Variants in ASXL1 observed in about 807,000 individuals in gnomAD.
The protein encoded by ASXL1 is polycomb group protein ASXL1.
A neutral mutation model predicts 89.1 loss-of-function variants in ASXL1; 65 were observed. That is an observed-to-expected ratio of 0.73 (90% CI 0.60 to 0.90). The LOEUF is 0.90. Among genes scored for constraint, ASXL1 ranks in the 40% least tolerant of loss-of-function variants. The pLI is 0.00. For synonymous variants in ASXL1, 739 were observed against 746.9 expected, an observed-to-expected ratio of 0.99 and a Z score of 0.17; for missense variants, 1,786 against 1,942.9, an observed-to-expected ratio of 0.92 and a Z score of 1.52.
At chr20:32,415,536 A>C (rs1250577932) in intron 4 of ASXL1, among the ~76,000 whole-genome samples, 1 of 152,184 alleles carries the variant, frequency 6.6e-6, no homozygotes, top group Non-Finnish European at 1.5e-5. Flanking sequence ...AGTTTGAAAC[A>C]GTTCTCCTGT....
chr20:32,396,764 A>G (rs1293333173), intron 4 of ASXL1, among the ~76,000 whole-genome samples: 1 of 152,092 alleles, frequency 6.6e-6, no homozygotes, highest in Non-Finnish European at 1.5e-5. Context: ...GTAATATAAA[A>G]AATTTTTTTG....
chr20:32,408,904 A>T (rs539947787), intron 4 of ASXL1, among the ~76,000 whole-genome samples: 4 of 151,924 alleles, frequency 2.6e-5, no homozygotes, highest in African/African-American at 4.8e-5. Flanking sequence ...TTAGTGTTTT[A>T]TAGTTTCCAA....
rs745344384 is a variant in ASXL1 at position 32,436,902 on chromosome 20, G to A, written c.4190G>A (p.Gly1397Asp). The A allele has an allele frequency of 6.2e-7, 1 of 1,614,100 alleles. No homozygotes were observed. The highest frequency in any genetic ancestry group is 1.3e-5 in the African/African-American group (1 of 74,938). ...GGGCATAGTCCCCTGGAACTGGTGG[G>A]TCACTTGGAAGGGATGCCCTTTGTC... ...ATGHSPLELVGHLEGMPFVMD... is the reference protein window; with the variant it reads ...ATGHSPLELVDHLEGMPFVMD... The change falls in exon 13 of 13, where the codon GGT (glycine) becomes GAT (aspartate). Residue 1397 changes from glycine (G) to aspartate (D), a missense_variant. Gly to Asp is a moderately conservative substitution (Grantham distance 94, BLOSUM62 -1). This residue lies in a region of ASXL1 where 1,418 missense variants were observed against 1,427.8 expected (regional missense o/e 0.99). Transcript: ENST00000375687.
chr20:32,380,492 C>G (rs2048468773), intron 4 of ASXL1, among the ~76,000 whole-genome samples: 1 of 152,096 alleles, frequency 6.6e-6, no homozygotes, highest in Non-Finnish European at 1.5e-5. Context: ...TGTCTTACGC[C>G]TGTAATCCCA....
intron 4 of ASXL1, among the ~76,000 whole-genome samples, chr20:32,395,486 T>C (rs989939317): frequency 1.3e-5 from 2 of 152,222 alleles, no homozygotes; most frequent in African/African-American, 4.8e-5. Context: ...TTATATACTT[T>C]GTTGTAGTTT....
rs757562094 is a variant in ASXL1 at position 32,436,689 on chromosome 20, C to G, written c.3977C>G (p.Pro1326Arg). Residue 1326 changes from proline to arginine, a missense_variant, in exon 13 of 13, where the codon CCT (proline) becomes CGT (arginine). Physicochemically the swap from Pro to Arg is moderately radical, Grantham distance 103 (BLOSUM62 -2). Transcript: ENST00000375687. ...AGGCCTGCGGACCCGATGCCTCTTC[C>G]TGCTGAGATCCCTCCAGTTTTTCCC... ...RPRPADPMPL[P>R]AEIPPVFPSG... is the part of the protein sequence containing the mutation. 5 of 1,614,048 alleles carry G rather than the reference C, an allele frequency of 3.1e-6. No individual in the cohort carries two copies. The highest frequency in any genetic ancestry group is 4.2e-6 in the Non-Finnish European group (5 of 1,180,052).
intron 4 of ASXL1, among the ~76,000 whole-genome samples, chr20:32,392,997 G>T (rs2048699448): frequency 6.6e-6 from 1 of 151,978 alleles, no homozygotes; most frequent in African/African-American, 2.4e-5. Flanking sequence ...GATTGATAAT[G>T]TTCAAGTCTT....
At position 32,435,192 on chromosome 20, in the gene ASXL1, C is replaced by G; in HGVS notation, c.2480C>G (p.Thr827Ser). ...GGAGATGATACATTAGAGAAAGGAA[C>G]TGGCCAAGCTCTTGACAGTCATCCC... ...LVGDDTLEKGTGQALDSHPTM... is the reference protein window; with the variant it reads ...LVGDDTLEKGSGQALDSHPTM... The change falls in exon 13 of 13, where the codon ACT (threonine) becomes AGT (serine). Residue 827 changes from threonine (T) to serine (S), a missense_variant. By Grantham distance (58) the Thr-to-Ser change is moderately conservative. Transcript: ENST00000375687. 1 of 1,613,938 alleles carries G rather than the reference C, an allele frequency of 6.2e-7. No individual in the cohort carries two copies. Among genetic ancestry groups the G allele is most frequent in the East Asian group, 2.2e-5 (1 of 44,882 alleles).
At chr20:32,421,996 G>A (rs1380084705) in intron 4 of ASXL1, among the ~76,000 whole-genome samples, 1 of 149,690 alleles carries the variant, frequency 6.7e-6, no homozygotes, top group African/African-American at 2.5e-5. Context: ...AGCCTCCCGA[G>A]TAGCTGGGAC....
In ASXL1 at chr20:32,435,524, C is replaced by T. The variant is rs1569333471; in HGVS notation, c.2812C>T (p.Pro938Ser). 6.2e-7 allele frequency: 1 copy of T among 1,614,056 alleles called. No homozygotes were observed. Among genetic ancestry groups the T allele is most frequent in the South Asian group, 1.1e-5 (1 of 91,084 alleles). ...EEWEKAAPTP[P>S]ALPGDLTAEE... is the part of the protein sequence containing the mutation. ...GTGGGAGAAAGCTGCTCCCACCCCT[C>T]CTGCATTGCCTGGGGATTTGACAGC... Residue 938 changes from proline (P) to serine (S), a missense_variant, in exon 13 of 13, where the codon CCT becomes TCT. Physicochemically the swap from Pro to Ser is moderately conservative, Grantham distance 74 (BLOSUM62 -1). Transcript: ENST00000375687.
At chr20:32,398,482 C>T (rs182625173) in intron 4 of ASXL1, among the ~76,000 whole-genome samples, 2 of 152,116 alleles carry the variant, frequency 1.3e-5, no homozygotes, top group East Asian at 3.8e-4. Flanking sequence ...CTTTTCCCTT[C>T]ACTCGCTTCT....
Position 32,433,339 on chromosome 20 carries a change from G to T in ASXL1, c.1141G>T (p.Glu381Ter). ...LQQNVGQEEA[E>*]IKSGLCVPGE... ...GCAGAACGTGGGCCAGGAGGAGGCTGAAATCAAAAGTGGCTTGTGTGTCCC... is the reference window on the plus strand; with the variant it reads ...GCAGAACGTGGGCCAGGAGGAGGCTTAAATCAAAAGTGGCTTGTGTGTCCC... Residue 381 changes from glutamate (E) to a stop codon, truncating the protein, a stop_gained, in exon 12 of 13, where the codon GAA (glutamate) becomes TAA (stop). Transcript: ENST00000375687. LOFTEE classifies it high-confidence loss of function. 1 of 1,614,218 alleles carries T rather than the reference G, an allele frequency of 6.2e-7. No individual in the cohort carries two copies. The highest frequency in any genetic ancestry group is 8.5e-7 in the Non-Finnish European group (1 of 1,180,036).
intron 4 of ASXL1, among the ~76,000 whole-genome samples, chr20:32,391,466 A>G (rs746008650): frequency 7.2e-5 from 11 of 152,120 alleles, no homozygotes; most frequent in Admixed American, 1.3e-4. Context: ...AAGTGGCTTC[A>G]CCATCTTAAA....
chr20:32,377,738 C>T (rs1351839883), intron 4 of ASXL1, among the ~76,000 whole-genome samples: 5 of 147,190 alleles, frequency 3.4e-5, no homozygotes, highest in East Asian at 2.1e-4. Context: ...CTGCAACCTC[C>T]GCCTCCCAGG....
In ASXL1 at chr20:32,359,606, G is replaced by T. The variant is rs138347586; in HGVS notation, c.57+774G>T. 1.4e-4 allele frequency: 95 copies of T among 692,736 alleles called. No homozygotes were observed. In the African/African-American group the frequency reaches 1.5e-3, roughly 11 times the overall value. The allele number at this position is 692,736 out of a possible 1,614,324, so 42.9% of individuals were successfully genotyped here. On this transcript the variant is annotated intron_variant, in intron 1 of 12. Coordinates refer to ENST00000375687, the MANE Select transcript of ASXL1 (RefSeq NM_015338.6). ...CCTTCAGAAGCTGGACTGGAAATTG[G>T]TATTTTGAGGAGAACTGAATCCACT...
chr20:32,426,186 G>A (rs924221152), intron 4 of ASXL1, among the ~76,000 whole-genome samples: 39 of 152,044 alleles, frequency 2.6e-4, no homozygotes, highest in African/African-American at 6.5e-4. Flanking sequence ...TGTAAATCTC[G>A]TATTGGGATA....
intron 1 of ASXL1, chr20:32,360,934 A>G (rs2122769406): frequency 6.5e-6 from 1 of 152,672 alleles, no homozygotes; most frequent in East Asian, 1.9e-4. Context: ...TTTAGTAAAG[A>G]TGGGGTTTTT....
chr20:32,397,004 A>C (rs1316719794), intron 4 of ASXL1, among the ~76,000 whole-genome samples: 1 of 124,518 alleles, frequency 8.0e-6, no homozygotes, highest in Non-Finnish European at 1.8e-5. Flanking sequence ...AAAAAAAAAA[A>C]CAAACAAAAA....
intron 4 of ASXL1, among the ~76,000 whole-genome samples, chr20:32,377,128 A>G (rs2048396851): frequency 2.2e-5 from 1 of 44,544 alleles, no homozygotes; most frequent in Admixed American, 2.9e-4. Context: ...ATATATTAAT[A>G]TAATATATAT....
Sources: allele counts gnomAD v4.1 joint callset (sites outside exome capture counted in the v4.1 genomes callset), GRCh38; gene constraint gnomAD v4.1.1; regional missense constraint gnomAD v4.1.1; transcripts MANE v1.5; gene names NCBI Gene and HGNC (gene_info 2026-07-23, HGNC 2026-07-21).